ZFYVE9: variants seen among roughly 807,000 people sequenced by gnomAD.
ZFYVE9 encodes the protein zinc finger FYVE-type containing 9.
In ZFYVE9, 43 loss-of-function variants were observed where a neutral mutation model predicts 126.7. The ratio of observed to expected loss-of-function variants is 0.34; its 90% confidence interval spans 0.27 to 0.44. ZFYVE9 has a LOEUF of 0.44. ZFYVE9 is among the 20% of genes least tolerant of loss of function. ZFYVE9 has a pLI of 1.00. For synonymous variants in ZFYVE9, 521 were observed against 597.4 expected, an observed-to-expected ratio of 0.87 and a Z score of 1.87; for missense variants, 1,476 against 1,697.0, an observed-to-expected ratio of 0.87 and a Z score of 2.29.
chr1:52,225,999 G>A (rs1419123573), intron 2 of ZFYVE9, among the ~76,000 whole-genome samples: 1 of 152,172 alleles, frequency 6.6e-6, no homozygotes, highest in Non-Finnish European at 1.5e-5. Flanking sequence ...ACTGGCAGGT[G>A]GTGGATGCGC....
chr1:52,234,361 AAAG>A (rs1645253269), intron 3 of ZFYVE9, among the ~76,000 whole-genome samples: 1 of 152,116 alleles, frequency 6.6e-6, no homozygotes, highest in East Asian at 1.9e-4. Flanking sequence ...TTTGGGAGGC[AAAG>A]GAGGGAGAAT....
At chr1:52,261,226 C>CTTTTTTTT (rs954031127) in intron 4 of ZFYVE9, among the ~76,000 whole-genome samples, 5 of 132,122 alleles carry the variant, frequency 3.8e-5, no homozygotes, top group Admixed American at 7.6e-5. Context: ...TTCTTTCTTT[C>CTTTTTTTT]TTTTTTTTTT....
intron 1 of ZFYVE9, among the ~76,000 whole-genome samples, chr1:52,191,004 C>T (rs346550): frequency 0.76 from 114,907 of 152,026 alleles, 46,924 homozygotes; most frequent in Non-Finnish European, 0.9. Flanking sequence ...GATCCCAGCT[C>T]ACTGCAGCTT....
intron 17 of ZFYVE9, among the ~76,000 whole-genome samples, chr1:52,343,460 AAAG>A (rs1344825462): frequency 2.6e-5 from 4 of 151,526 alleles, no homozygotes; most frequent in African/African-American, 9.7e-5. Context: ...AAAAAGAAAA[AAAG>A]AAGTCCTTTG....
intron 17 of ZFYVE9, among the ~76,000 whole-genome samples, chr1:52,342,537 CTTTT>C (rs11327271): frequency 3.1e-5 from 4 of 127,444 alleles, no homozygotes; most frequent in Non-Finnish European, 5.0e-5. Context: ...CCCAAAGTGC[CTTTT>C]TTTTTTTTTT....
Position 52,142,926 on chromosome 1 carries a change from A to G in ZFYVE9, c.-143+523A>G, listed in dbSNP as rs1644274096. ...CCCTGCTACTCCTGGAGTGTCATTC[A>G]TGGATCTGGCTTGCTCGAGAACAAC... On this transcript the variant is annotated intron_variant, in intron 1 of 18. Coordinates refer to ENST00000287727, the MANE Select transcript of ZFYVE9 (RefSeq NM_004799.4). The surrounding 1 kb of genome is among the most constrained non-coding windows in gnomAD (Gnocchi z 4.5). Among the ~76,000 whole-genome samples, 1 of 152,134 alleles carries G rather than the reference A, an allele frequency of 6.6e-6. No homozygotes were observed. The highest frequency in any genetic ancestry group is 2.4e-5 in the African/African-American group (1 of 41,430).
At position 52,239,007 on chromosome 1, in the gene ZFYVE9, G is replaced by T. The variant is rs762202068; in HGVS notation, c.1590G>T (p.Gly530=). 2 of 1,613,990 alleles carry T rather than the reference G, an allele frequency of 1.2e-6. No individual in the cohort carries two copies. Among genetic ancestry groups the T allele is most frequent in the East Asian group, 2.2e-5 (1 of 44,894 alleles). Residue 530 remains glycine, a synonymous_variant, in exon 4 of 19, where the codon GGG becomes GGT. Coordinates refer to ENST00000287727, the MANE Select transcript of ZFYVE9 (RefSeq NM_004799.4). ...YEQRGNEATE[G]SGLLLNSTGD... is the part of the protein sequence containing the mutation. The stretch of plus-strand genomic sequence containing the variant: ...AGAGAGGAAATGAGGCCACAGAAGG[G>T]AGTGGACTACTTTTAAACAGCACTG...
intron 6 of ZFYVE9, among the ~76,000 whole-genome samples, chr1:52,267,408 C>T (rs941910320): frequency 1.3e-5 from 2 of 152,034 alleles, no homozygotes; most frequent in African/African-American, 4.8e-5. Context: ...TTTATTATAT[C>T]TTTATGATGA....
intron 1 of ZFYVE9, among the ~76,000 whole-genome samples, chr1:52,159,189 G>A (rs995252917): frequency 4.6e-5 from 7 of 152,184 alleles, no homozygotes; most frequent in Non-Finnish European, 8.8e-5. Context: ...CACAACTTGC[G>A]TGTTAACACT....
At chr1:52,245,030 G>A (rs1041523668) in intron 4 of ZFYVE9, among the ~76,000 whole-genome samples, 5 of 151,650 alleles carry the variant, frequency 3.3e-5, no homozygotes, top group Non-Finnish European at 4.4e-5. Context: ...TGGTGGCAGG[G>A]GCCTGTAATG....
chr1:52,344,462 A>C (rs537191143), intron 17 of ZFYVE9, among the ~76,000 whole-genome samples: 2 of 152,234 alleles, frequency 1.3e-5, no homozygotes, highest in African/African-American at 4.8e-5. Flanking sequence ...AGTGGCATAC[A>C]ATGCAAAATG....
chr1:52,175,072 T>G (rs1486186233), intron 1 of ZFYVE9, among the ~76,000 whole-genome samples: 1 of 152,164 alleles, frequency 6.6e-6, no homozygotes, highest in Non-Finnish European at 1.5e-5. Flanking sequence ...TATTTTGCTC[T>G]TTAGTTGATG....
At chr1:52,279,332 G>T (rs983155738) in intron 9 of ZFYVE9, among the ~76,000 whole-genome samples, 6 of 152,074 alleles carry the variant, frequency 3.9e-5, no homozygotes, top group Non-Finnish European at 2.9e-5. Context: ...CCTCAATTAT[G>T]GTGCAAAACT....
chr1:52,173,458 A>AT (rs1299995416), intron 1 of ZFYVE9, among the ~76,000 whole-genome samples: 1 of 152,094 alleles, frequency 6.6e-6, no homozygotes, highest in African/African-American at 2.4e-5. Context: ...TTGGTCTCTA[A>AT]TTCTCTTTTT....
chr1:52,178,163 C>T (rs1309629077), intron 1 of ZFYVE9, among the ~76,000 whole-genome samples: 1 of 150,296 alleles, frequency 6.7e-6, no homozygotes, highest in African/African-American at 2.4e-5. Context: ...CCTGTAGTCT[C>T]AGCTACTTGG....
At chr1:52,184,875 C>G (rs1010918488) in intron 1 of ZFYVE9, among the ~76,000 whole-genome samples, 1 of 152,056 alleles carries the variant, frequency 6.6e-6, no homozygotes, top group Admixed American at 6.6e-5. Flanking sequence ...AAAACAAAGA[C>G]TGGGCACGGT....
At chr1:52,253,717 C>T in intron 4 of ZFYVE9, 1 of 1,606,698 alleles carries the variant, frequency 6.2e-7, no homozygotes, top group Non-Finnish European at 8.5e-7. Context: ...TGTTTGGTCA[C>T]TCTCATCTTG....
intron 4 of ZFYVE9, among the ~76,000 whole-genome samples, chr1:52,240,995 A>G (rs1047129034): frequency 6.6e-6 from 1 of 152,206 alleles, no homozygotes; most frequent in Admixed American, 6.5e-5. Context: ...CGTCTAATGT[A>G]CTACATGAGG....
intron 13 of ZFYVE9, among the ~76,000 whole-genome samples, chr1:52,319,273 C>T (rs2147857238): frequency 6.6e-6 from 1 of 152,024 alleles, no homozygotes; most frequent in South Asian, 2.1e-4. Flanking sequence ...TGCAGTAGTC[C>T]CCAAATTGAT....
Sources: gnomAD v4.1 joint callset for allele counts (sites outside exome capture counted in the v4.1 genomes callset) on GRCh38, gnomAD v4.1.1 for gene constraint, Gnocchi (gnomAD v3.1) non-coding constraint, MANE v1.5 for transcripts, NCBI Gene and HGNC (gene_info 2026-07-23, HGNC 2026-07-21) for gene names.